The following SH2D3C variants were observed in gnomAD, a reference collection of about 807,000 sequenced individuals.
SH2D3C encodes the protein SH2 domain containing 3C.
A neutral mutation model predicts 75.2 loss-of-function variants in SH2D3C; 25 were observed. The ratio of observed to expected loss-of-function variants is 0.33; its 90% CI spans 0.24 to 0.46. SH2D3C has a LOEUF of 0.46. Ranked by LOEUF, SH2D3C falls within the 20% of genes least tolerant of loss-of-function variation. SH2D3C has a pLI of 1.00. For missense variants in SH2D3C, 933 were observed against 1,165.3 expected (o/e 0.80, Z 2.90); for synonymous variants, 450 against 473.7 (o/e 0.95, Z 0.65).
intron 2 of SH2D3C, among the ~76,000 whole-genome samples, chr9:127,770,284 G>C (rs572546998): frequency 6.6e-6 from 1 of 152,224 alleles, no homozygotes; most frequent in East Asian, 1.9e-4. Context: ...GGTGCACCCT[G>C]TCTCCCCGGG....
At position 127,774,299 on chromosome 9, in the gene SH2D3C, C is replaced by T. The variant is rs766107803; in HGVS notation, c.206G>A (p.Arg69His). The T allele has an allele frequency of 1.8e-5, 29 of 1,613,896 alleles. No homozygotes were observed. In the East Asian group the frequency reaches 4.9e-4, roughly 27 times the overall value. Residue 69 changes from arginine (R) to histidine (H), a missense_variant, in exon 2 of 12, where the codon CGC (arginine) becomes CAC (histidine). Coordinates refer to ENST00000314830, the MANE Select transcript of SH2D3C (RefSeq NM_170600.3). This position sits in a 1 kb window ranked among gnomAD's most constrained non-coding sequence, Gnocchi z 4.3. Reference protein sequence around the residue: ...TVPKSPPAYARSSDMYSHMGT... With the variant: ...TVPKSPPAYAHSSDMYSHMGT... ...CATGTGGCTGTACATGTCACTGGAGCGGGCATAGGCTGGGGGACTCTTGGG... is the reference window on the plus strand; with the variant it reads ...CATGTGGCTGTACATGTCACTGGAGTGGGCATAGGCTGGGGGACTCTTGGG...
chr9:127,774,061 G>T lies in SH2D3C; in HGVS notation c.444C>A (p.Pro148=), dbSNP rs766990169. ...CTGTGGGGACCTCAGGCTTTCTGATGGGGTCTACCTCCACTGCTGAAGGGT... is the reference window on the plus strand; with the variant it reads ...CTGTGGGGACCTCAGGCTTTCTGATTGGGTCTACCTCCACTGCTGAAGGGT... The part of the protein sequence containing the change: ...EPNPSAVEVD[P]IRKPEVPTGD... The change falls in exon 2 of 12, where the codon CCC becomes CCA. Residue 148 remains proline (P), a synonymous_variant. Coordinates refer to ENST00000314830, the MANE Select transcript of SH2D3C (RefSeq NM_170600.3). The surrounding 1 kb of genome is among the most constrained non-coding windows in gnomAD (Gnocchi z 4.3). 22 of 1,614,176 alleles carry T rather than the reference G, an allele frequency of 1.4e-5. No individual in the cohort carries two copies. The highest frequency in any genetic ancestry group is 1.7e-4 in the Middle Eastern group (1 of 6,058).
chr9:127,777,354 T>G (rs959517871), intron 1 of SH2D3C, among the ~76,000 whole-genome samples: 1 of 152,092 alleles, frequency 6.6e-6, no homozygotes, highest in African/African-American at 2.4e-5. Context: ...ACCCAAGTAT[T>G]GGGTCCCAGC....
Position 127,745,053 on chromosome 9 carries a change from C to A in SH2D3C, c.1311G>T (p.Leu437Phe), listed in dbSNP as rs765844909. Reference protein sequence around the residue: ...AAPAAPSATALPASPVARRSS... With the variant: ...AAPAAPSATAFPASPVARRSS... ...AACGGCGGGCGACAGGGGAGGCAGG[C>A]AATGCTGTGGCAGAAGGGGCTGCAG... The change falls in exon 7 of 12, where the codon TTG (leucine) becomes TTT (phenylalanine). Residue 437 changes from leucine (L) to phenylalanine (F), a missense_variant. Leu to Phe is a conservative substitution (Grantham distance 22, BLOSUM62 0). Coordinates refer to ENST00000314830, the MANE Select transcript of SH2D3C (RefSeq NM_170600.3). 3 of 1,510,168 alleles carry A rather than the reference C, an allele frequency of 2.0e-6. No individual in the cohort carries two copies. The highest frequency in any genetic ancestry group is 2.7e-6 in the Non-Finnish European group (3 of 1,130,250). The allele number at this position is 1,510,168 out of a possible 1,614,324, so 93.5% of individuals were successfully genotyped here. A position where few individuals can be genotyped will look rare whatever the true frequency, so the allele number is the denominator to read the frequency against.
At chr9:127,766,559 T>TTTTGTTTG (rs376947206) in intron 2 of SH2D3C, among the ~76,000 whole-genome samples, 32 of 152,060 alleles carry the variant, frequency 2.1e-4, no homozygotes, top group Middle Eastern at 3.4e-3. Context: ...TCCTTCCTGT[T>TTTTGTTTG]TTTGTTTGTT....
intron 6 of SH2D3C, among the ~76,000 whole-genome samples, chr9:127,746,820 C>G (rs1468706827): frequency 6.6e-6 from 1 of 152,208 alleles, no homozygotes; most frequent in Non-Finnish European, 1.5e-5. Flanking sequence ...GGTCTGTAAT[C>G]CCAGCTACTT....
Position 127,742,906 on chromosome 9 carries a change from C to T in SH2D3C, c.1859G>A (p.Gly620Asp). The T allele has an allele frequency of 6.2e-7, 1 of 1,613,994 alleles. No individual in the cohort carries two copies. The highest frequency in any genetic ancestry group is 1.1e-5 in the South Asian group (1 of 91,068). Residue 620 changes from glycine (G) to aspartate (D), a missense_variant, in exon 8 of 12, where the codon GGC becomes GAC. By Grantham distance (94) the Gly-to-Asp change is moderately conservative. Coordinates refer to ENST00000314830, the MANE Select transcript of SH2D3C (RefSeq NM_170600.3). ...ATGGGGGAGGGTGAGCAGTTCCATG[C>T]CCCAGCGGACTCCCATTAGGGTCTG... Reference protein sequence around the residue: ...EMQTLMGVRWGMELLTLPHGR... With the variant: ...EMQTLMGVRWDMELLTLPHGR...
At position 127,740,334 on chromosome 9, in the gene SH2D3C, C is replaced by T; in HGVS notation, c.2124G>A (p.Arg708=). Residue 708 remains arginine (R), a synonymous_variant, in exon 10 of 12, where the codon CGG becomes CGA. Coordinates refer to ENST00000314830, the MANE Select transcript of SH2D3C (RefSeq NM_170600.3). The part of the protein sequence containing the change: ...SRLEQTWVTL[R]QRHTEGAILY... ...GGATGGCACCCTCTGTGTGTCGCTG[C>T]CGCAGGGTCACCCATGTCTGCTCCA... 1.2e-6 allele frequency: 2 copies of T among 1,614,164 alleles called. No homozygotes were observed. Among genetic ancestry groups the T allele is most frequent in the Non-Finnish European group, 1.7e-6 (2 of 1,180,030 alleles).
chr9:127,743,599 A>G (rs979096492), intron 7 of SH2D3C, among the ~76,000 whole-genome samples: 1 of 152,244 alleles, frequency 6.6e-6, no homozygotes, highest in African/African-American at 2.4e-5. Flanking sequence ...CCGGGCAGGG[A>G]ATGGGCTTGC....
At chr9:127,742,084 G>A (rs947667421) in intron 8 of SH2D3C, 125 bp from the exon 9 acceptor site, 6 of 895,024 alleles carry the variant, frequency 6.7e-6, no homozygotes, top group South Asian at 5.2e-5. Flanking sequence ...AGGTTGTAAG[G>A]GTCAATGGGA....
At chr9:127,767,317 G>A (rs1845653921) in intron 2 of SH2D3C, 1 of 1,432,012 alleles carries the variant, frequency 7.0e-7, no homozygotes, top group Non-Finnish European at 9.1e-7. Flanking sequence ...GAGTGCTAGT[G>A]GATGAGGGAA....
intron 2 of SH2D3C, chr9:127,762,358 GC>G: frequency 7.7e-7 from 1 of 1,300,002 alleles, no homozygotes; most frequent in Non-Finnish European, 1.0e-6. Flanking sequence ...GCCTGGACCT[GC>G]CCCTCCAACC....
At chr9:127,770,953 C>T (rs1475061489) in intron 2 of SH2D3C, among the ~76,000 whole-genome samples, 2 of 152,210 alleles carry the variant, frequency 1.3e-5, no homozygotes, top group African/African-American at 4.8e-5. Flanking sequence ...TTTCTTTCCT[C>T]ATCTATAAAA....
At chr9:127,771,463 T>G in intron 2 of SH2D3C, 1 of 1,024,810 alleles carries the variant, frequency 9.8e-7, no homozygotes, top group South Asian at 2.2e-5. Context: ...GCCTGCGGTC[T>G]CGCTCCGCCC....
At chr9:127,761,694 C>A in intron 2 of SH2D3C, 44 bp from the exon 3 acceptor site, 7 of 1,567,978 alleles carry the variant, frequency 4.5e-6, no homozygotes, top group Non-Finnish European at 6.1e-6. Context: ...CCCTGCTTGG[C>A]TCCCCAGCTG....
In SH2D3C at chr9:127,741,857, G is replaced by A. The variant is rs370517654; in HGVS notation, c.2019C>T (p.Ala673=). 26 of 1,613,328 alleles carry A rather than the reference G, an allele frequency of 1.6e-5. No homozygotes were observed. Among genetic ancestry groups the A allele is most frequent in the Non-Finnish European group, 2.0e-5 (24 of 1,180,014 alleles). Reference sequence around the variant, plus strand: ...TGTTGCCCATAGTCCCCCGCAGCTCGGCCGCCAGCTGAATGGTCTTGTGCA... The same window carrying A: ...TGTTGCCCATAGTCCCCCGCAGCTCAGCCGCCAGCTGAATGGTCTTGTGCA... ...ALLHKTIQLA[A]ELRGTMGNMF... Residue 673 remains alanine, a synonymous_variant, in exon 9 of 12, where the codon GCC becomes GCT. Coordinates refer to ENST00000314830, the MANE Select transcript of SH2D3C (RefSeq NM_170600.3).
In SH2D3C at chr9:127,742,957, C is replaced by G; in HGVS notation, c.1808G>C (p.Arg603Thr). 6.2e-7 allele frequency: 1 copy of G among 1,612,900 alleles called. No individual in the cohort carries two copies. The highest frequency in any genetic ancestry group is 8.5e-7 in the Non-Finnish European group (1 of 1,179,146). Residue 603 changes from arginine to threonine, a missense_variant, in exon 8 of 12, where the codon AGG becomes ACG. Transcript: ENST00000314830. ...HVTKVDCLVA[R>T]ILGVTKEMQT... ...CATCTCCTTGGTAACGCCCAGTATC[C>G]TAGCAACCTGCAAAGACGCCCAGAG...
intron 2 of SH2D3C, chr9:127,771,320 G>A: frequency 2.8e-6 from 4 of 1,431,376 alleles, no homozygotes; most frequent in Non-Finnish European, 3.7e-6. Flanking sequence ...AGAGCTCAGT[G>A]CCGGACTCCG....
At position 127,740,309 on chromosome 9, in the gene SH2D3C, G is replaced by C; in HGVS notation, c.2149C>G (p.Leu717Val). Residue 717 changes from leucine to valine, a missense_variant, in exon 10 of 12, where the codon CTG becomes GTG. Transcript: ENST00000314830. The part of the protein sequence containing the change: ...LRQRHTEGAI[L>V]YEKKLKPFLK... ...AAAGGCTTGAGCTTCTTCTCGTACA[G>C]GATGGCACCCTCTGTGTGTCGCTGC... 6.2e-7 allele frequency: 1 copy of C among 1,614,154 alleles called. No individual in the cohort carries two copies. Among genetic ancestry groups the C allele is most frequent in the Non-Finnish European group, 8.5e-7 (1 of 1,180,018 alleles).
Sources: allele counts gnomAD v4.1 joint callset (sites outside exome capture counted in the v4.1 genomes callset), GRCh38; gene constraint gnomAD v4.1.1; non-coding constraint Gnocchi (gnomAD v3.1); transcripts MANE v1.5; gene names NCBI Gene and HGNC (gene_info 2026-07-23, HGNC 2026-07-21).